Variants in EPS8L2 observed in about 807,000 individuals in gnomAD.
EPS8L2 encodes the protein EPS8 signaling adaptor L2, also known as epidermal growth factor receptor kinase substrate 8-like protein 2.
In EPS8L2, 81 loss-of-function variants were observed where a neutral mutation model predicts 99.4. The observed-to-expected ratio is 0.82, with a 90% CI of 0.68 to 0.98. EPS8L2 has a LOEUF of 0.98. EPS8L2 is among the 50% of genes least tolerant of loss of function. The pLI, the probability that EPS8L2 is intolerant of heterozygous loss-of-function variation, is 0.00. For missense variants in EPS8L2, 1,155 were observed against 968.8 expected, an observed-to-expected ratio of 1.19 and a Z score of -2.55; for synonymous variants, 509 against 407.3, an observed-to-expected ratio of 1.25 and a Z score of -3.01.
In EPS8L2 at chr11:726,165, A is replaced by G. The variant is rs746540401; in HGVS notation, c.1748A>G (p.Lys583Arg). 1 of 1,607,354 alleles carries G rather than the reference A, an allele frequency of 6.2e-7. No homozygotes were observed. Among genetic ancestry groups the G allele is most frequent in the East Asian group, 2.2e-5 (1 of 44,540 alleles). ...CTACCCCCAAGCTTCCCGGGGAACA[A>G]AGACGGTGAGAGCTGCTGCTTCGAG... ...HKLPPSFPGN[K>R]DELMQHMDEV... The change falls in exon 18 of 21, where the codon AAA becomes AGA. Residue 583 changes from lysine (K) to arginine (R), a missense_variant. Lys to Arg is a conservative substitution (Grantham distance 26). Transcript: ENST00000318562.
chr11:710,763 A>AGGAAGGGAGGAAGG (rs1564969694), intron 4 of EPS8L2, among the ~76,000 whole-genome samples: 7 of 134,458 alleles, frequency 5.2e-5, no homozygotes, highest in South Asian at 4.5e-4. Flanking sequence ...AGAGAGAAAG[A>AGGAAGGGAGGAAGG]GAGAAAGGGA....
rs552364594 is a variant in EPS8L2, at chr11:713,870, TGG to T, written c.165+3387_165+3388del. 9.2e-5 allele frequency among the ~76,000 whole-genome samples: 14 copies of T among 152,178 alleles called. No individual in the cohort carries two copies. In the East Asian group the frequency reaches 2.7e-3, roughly 29 times the overall value. The stretch of plus-strand genomic sequence containing the variant: ...CTAATTTTTGTATTTTTAGTACAGA[TGG>T]GGTTTCACCATGTTGGCCAGGCTGG... On this transcript the variant is annotated intron_variant, in intron 4 of 20. Transcript: ENST00000318562.
intron 15 of EPS8L2, 49 bp downstream of exon 15, chr11:723,402 C>T (rs1862241806): frequency 2.4e-6 from 2 of 821,310 alleles, no homozygotes; most frequent in Non-Finnish European, 3.8e-6. Context: ...CCCTTCAGAA[C>T]CTACAGTCTC....
chr11:726,411 A>C lies in EPS8L2; in HGVS notation c.1861A>C (p.Ser621Arg). The change falls in exon 19 of 21, where the codon AGC becomes CGC. Residue 621 changes from serine (S) to arginine (R), a missense_variant. Transcript: ENST00000318562. ...HFRVERSQPVSQPLTYESGPD... is the reference protein window; with the variant it reads ...HFRVERSQPVRQPLTYESGPD... ...CCGCGTGGAGCGCAGCCAGCCCGTG[A>C]GCCAGCCGCTCACCTACGAGTCGGG... The C allele has an allele frequency of 6.2e-7, 1 of 1,605,434 alleles. No homozygotes were observed.
intron 3 of EPS8L2, 178 bp from the exon 4 acceptor site, chr11:710,244 G>A (rs1200091084): frequency 1.8e-5 from 11 of 619,996 alleles, no homozygotes; most frequent in Non-Finnish European, 2.6e-5. Flanking sequence ...TCCCTGGAGG[G>A]AGGGAGGGGG....
chr11:725,877 G>GC (rs66512023), intron 17 of EPS8L2, 30 bp downstream of exon 17: 693,036 of 1,355,074 alleles, frequency 0.51, 184,763 homozygotes, highest in Admixed American at 0.58. Context: ...TGGGGTCGCA[G>GC]CCCCCAGCTT....
Position 714,566 on chromosome 11 carries a change from AG to A in EPS8L2, c.165+4082del, listed in dbSNP as rs539656658. Among the ~76,000 whole-genome samples, 612 of 149,930 alleles carry A rather than the reference AG, an allele frequency of 4.1e-3. 3 individuals are homozygous for A. The highest frequency in any genetic ancestry group is 0.014 in the African/African-American group (563 of 41,154). On this transcript the variant is annotated intron_variant, in intron 4 of 20. Coordinates refer to ENST00000318562, the MANE Select transcript of EPS8L2 (RefSeq NM_022772.4). ...TTTTCTTTTGGATGCTTCCCAGTGT[AG>A]GCTTTTGCGTTTAGGGCCAGGATCC...
At chr11:710,270 G>C in intron 3 of EPS8L2, 152 bp from the exon 4 acceptor site, 1 of 702,856 alleles carries the variant, frequency 1.4e-6, no homozygotes, top group Non-Finnish European at 2.5e-6. Flanking sequence ...TGCAGGTCCT[G>C]ATTTCACACC....
Position 710,506 on chromosome 11 carries a change from T to C in EPS8L2, c.165+20T>C, listed in dbSNP as rs775334536. The stretch of plus-strand genomic sequence containing the variant: ...GTCCAGGTAAGGCCCCGCCCCCAGG[T>C]AGGCTCCGCCCCCAGGGAGCACCCT... On this transcript the variant is annotated intron_variant, in intron 4 of 20. Transcript: ENST00000318562. The C allele has an allele frequency of 1.1e-5, 17 of 1,610,428 alleles. No individual in the cohort carries two copies. The highest frequency in any genetic ancestry group is 1.4e-5 in the Non-Finnish European group (17 of 1,177,116).
At chr11:712,292 A>G (rs1861912122) in intron 4 of EPS8L2, among the ~76,000 whole-genome samples, 2 of 145,318 alleles carry the variant, frequency 1.4e-5, no homozygotes, top group Non-Finnish European at 1.5e-5. Context: ...TCTCAAAAGG[A>G]AAAAAAAAAA....
intron 4 of EPS8L2, among the ~76,000 whole-genome samples, chr11:718,869 C>T (rs1416271745): frequency 6.6e-6 from 1 of 150,708 alleles, no homozygotes; most frequent in Non-Finnish European, 1.5e-5. Context: ...GGGGTTTCAC[C>T]ATATTAGCCA....
At chr11:720,769 A>C (rs1039315639) in intron 6 of EPS8L2, 23 bp downstream of exon 6, 26 of 915,452 alleles carry the variant, frequency 2.8e-5, no homozygotes, top group Middle Eastern at 4.0e-4. Context: ...CGGGCGGGGC[A>C]GGGTGGGGCC....
chr11:707,922 C>T (rs762949042), intron 1 of EPS8L2, among the ~76,000 whole-genome samples: 10 of 152,164 alleles, frequency 6.6e-5, no homozygotes, highest in Non-Finnish European at 1.2e-4. Flanking sequence ...CACTCAGGCT[C>T]GCCACTGAGC....
In EPS8L2 at chr11:724,720, A is replaced by T. The variant is rs199799883; in HGVS notation, c.1455-4A>T. On this transcript the variant is annotated splice_region_variant and splice_polypyrimidine_tract_variant and intron_variant, in intron 15 of 20. Transcript: ENST00000318562. This position sits in a 1 kb window ranked among gnomAD's most constrained non-coding sequence, Gnocchi z 5.5. The stretch of plus-strand genomic sequence containing the variant: ...TGGGCCTCAGCCCCTCCTGTTCCTC[A>T]CAGGGGCTACCAGCCAACACCAGCC... 4 of 1,609,822 alleles carry T rather than the reference A, an allele frequency of 2.5e-6. No individual in the cohort carries two copies. The East Asian group carries it at 8.9e-5, about 36-fold the overall frequency.
chr11:719,328 T>C (rs1335391612), intron 4 of EPS8L2, among the ~76,000 whole-genome samples: 1 of 152,156 alleles, frequency 6.6e-6, no homozygotes, highest in African/African-American at 2.4e-5. Context: ...TTCAAGTTAG[T>C]GTTTATCCAG....
rs1861836877 is a variant in EPS8L2 at position 709,850 on chromosome 11, C to T, written c.100+242C>T. ...AATTCAGGGAGCATCAATATTGATT[C>T]CGCTGCACTCATTGCTGTAACCTGA... On this transcript the variant is annotated intron_variant, in intron 3 of 20. Transcript: ENST00000318562. The T allele has an allele frequency of 5.1e-6, 3 of 590,132 alleles. No homozygotes were observed. In the South Asian group the frequency reaches 5.9e-5, roughly 12 times the overall value. The allele number at this position is 590,132 out of a possible 1,614,324, so 36.6% of individuals were successfully genotyped here.
rs139076159 is a variant in EPS8L2 at position 722,440 on chromosome 11, G to A, written c.1099G>A (p.Val367Ile). The A allele has an allele frequency of 6.1e-5, 99 of 1,613,264 alleles. 2 individuals are homozygous for A. Among genetic ancestry groups the A allele is most frequent in the South Asian group, 5.7e-4 (52 of 91,084 alleles). Reference sequence around the variant, plus strand: ...CAGTGGCCCAGACATCGCACGCTCCGTCTCCTGCCCACTGCTCTCCCGAGA... The same window carrying A: ...CAGTGGCCCAGACATCGCACGCTCCATCTCCTGCCCACTGCTCTCCCGAGA... ...TCSGPDIARSVSCPLLSRDAV... is the reference protein window; with the variant it reads ...TCSGPDIARSISCPLLSRDAV... The change falls in exon 13 of 21, where the codon GTC (valine) becomes ATC (isoleucine). Residue 367 changes from valine (V) to isoleucine (I), a missense_variant. Val to Ile is a conservative substitution (Grantham distance 29, BLOSUM62 3). Coordinates refer to ENST00000318562, the MANE Select transcript of EPS8L2 (RefSeq NM_022772.4).
chr11:725,695 G>T, intron 16 of EPS8L2, 33 bp from the exon 17 acceptor site: 1 of 1,307,012 alleles, frequency 7.7e-7, no homozygotes, highest in Non-Finnish European at 9.7e-7. Flanking sequence ...GCAGAGCCTG[G>T]GTGTGGGGAG....
intron 5 of EPS8L2, 45 bp from the exon 6 acceptor site, chr11:720,552 G>A (rs1862129242): frequency 1.3e-6 from 2 of 1,572,292 alleles, no homozygotes; most frequent in Non-Finnish European, 1.7e-6. Flanking sequence ...CTGCCAGAGT[G>A]CCCAGACCCC....
Sources: gnomAD v4.1 joint callset for allele counts (sites outside exome capture counted in the v4.1 genomes callset) on GRCh38, gnomAD v4.1.1 for gene constraint, Gnocchi (gnomAD v3.1) non-coding constraint, MANE v1.5 for transcripts, NCBI Gene and HGNC (gene_info 2026-07-23, HGNC 2026-07-21) for gene names.